RIOK3: variants seen among roughly 807,000 people sequenced by gnomAD.
RIOK3 encodes RIO kinase 3.
In RIOK3, 40 loss-of-function variants were observed where a neutral mutation model predicts 63.5. The observed-to-expected ratio is 0.63, with a 90% CI of 0.49 to 0.82. The LOEUF (loss-of-function observed/expected upper bound fraction) is 0.82. Ranked by LOEUF, RIOK3 falls within the 40% of genes least tolerant of loss-of-function variation. RIOK3 has a pLI of 0.00. For synonymous variants in RIOK3, 193 were observed against 205.0 expected (o/e 0.94, Z 0.50); for missense variants, 557 against 637.0 (o/e 0.87, Z 1.35).
chr18:23,454,971 A>G (rs1300909790), intron 1 of RIOK3, among the ~76,000 whole-genome samples: 1 of 152,234 alleles, frequency 6.6e-6, no homozygotes. Context: ...AAGGATTCTC[A>G]AAACTTTTTA....
chr18:23,467,253 G>A lies in RIOK3; in HGVS notation c.688-146G>A, dbSNP rs992233945. ...CACTTGAACCTGGGAGGTGGAGGTT[G>A]CAGTGATCAGAGATGGTGCCATTGT... is the stretch of plus-strand genomic sequence containing the variant. On this transcript the variant is annotated intron_variant, in intron 6 of 12. Transcript: ENST00000339486. The A allele has an allele frequency of 2.0e-5, 10 of 510,294 alleles. No individual in the cohort carries two copies. In the Admixed American group the frequency reaches 3.3e-4, roughly 17 times the overall value. The allele number at this position is 510,294 out of a possible 1,614,324, so 31.6% of individuals were successfully genotyped here. A position where few individuals can be genotyped will look rare whatever the true frequency, so the allele number is the denominator to read the frequency against.
chr18:23,477,193 T>A lies in RIOK3; in HGVS notation c.1269T>A (p.Asp423Glu). 3 of 1,614,124 alleles carry A rather than the reference T, an allele frequency of 1.9e-6. No individual in the cohort carries two copies. Among genetic ancestry groups the A allele is most frequent in the Non-Finnish European group, 2.5e-6 (3 of 1,179,944 alleles). Reference sequence around the variant, plus strand: ...TATTGAAATAGGTCTGGTTGATCGATGTCAGTCAGTCAGTAGAACCTACCC... The same window carrying A: ...TATTGAAATAGGTCTGGTTGATCGAAGTCAGTCAGTCAGTAGAACCTACCC... ...LWHAGKVWLI[D>E]VSQSVEPTHP... Residue 423 changes from aspartate to glutamate, a missense_variant, in exon 11 of 13, where the codon GAT becomes GAA. By Grantham distance (45) the Asp-to-Glu change is conservative (BLOSUM62 2). Coordinates refer to ENST00000339486, the MANE Select transcript of RIOK3 (RefSeq NM_003831.5).
chr18:23,453,575 C>G (rs925332709), intron 1 of RIOK3, 73 bp downstream of exon 1: 10 of 1,331,202 alleles, frequency 7.5e-6, no homozygotes, highest in Non-Finnish European at 9.7e-6. Context: ...TCGGAGAGGG[C>G]GGCTTCGTGG....
intron 5 of RIOK3, 128 bp from the exon 6 acceptor site, chr18:23,466,005 A>T (rs934608761): frequency 5.1e-6 from 3 of 588,862 alleles, no homozygotes; most frequent in Non-Finnish European, 8.3e-6. Flanking sequence ...TGTAGTAGCT[A>T]TGATTTCTGG....
chr18:23,467,555 A>T, intron 7 of RIOK3, 29 bp downstream of exon 7: 1 of 1,602,054 alleles, frequency 6.2e-7, no homozygotes, highest in Non-Finnish European at 8.5e-7. Flanking sequence ...ATACCATGAT[A>T]TGAAAACTTA....
intron 7 of RIOK3, among the ~76,000 whole-genome samples, chr18:23,469,829 A>G (rs1425326480): frequency 6.6e-6 from 1 of 152,132 alleles, no homozygotes; most frequent in East Asian, 1.9e-4. Context: ...CAGGCAATCA[A>G]CAATTATTCA....
At chr18:23,458,322 C>T (rs1044267275) in intron 1 of RIOK3, among the ~76,000 whole-genome samples, 7 of 152,130 alleles carry the variant, frequency 4.6e-5, no homozygotes, top group East Asian at 1.9e-4. Flanking sequence ...GGAGATGATT[C>T]CCCACTAATG....
At position 23,477,997 on chromosome 18, in the gene RIOK3, G is replaced by A. The variant is rs569686492; in HGVS notation, c.1344+729G>A. ...TGAGGAAGGAGAATCACTTGAGCCT[G>A]GGAATCGGAGGTTGCAGTGAGCCAA... On this transcript the variant is annotated intron_variant, in intron 11 of 12. Coordinates refer to ENST00000339486, the MANE Select transcript of RIOK3 (RefSeq NM_003831.5). Among the ~76,000 whole-genome samples, 25 of 151,776 alleles carry A rather than the reference G, an allele frequency of 1.6e-4. No homozygotes were observed. In the South Asian group the frequency reaches 5.0e-3, roughly 30 times the overall value.
At chr18:23,478,223 A>G (rs1284882226) in intron 11 of RIOK3, among the ~76,000 whole-genome samples, 1 of 152,058 alleles carries the variant, frequency 6.6e-6, no homozygotes, top group African/African-American at 2.4e-5. Context: ...TAAAAGAGGG[A>G]CAGTCTCTAT....
chr18:23,465,320 G>A (rs776118978), intron 5 of RIOK3, among the ~76,000 whole-genome samples: 7 of 152,052 alleles, frequency 4.6e-5, no homozygotes, highest in East Asian at 1.9e-4. Flanking sequence ...GTAGTGAGCC[G>A]AGATCGTGCC....
intron 7 of RIOK3, among the ~76,000 whole-genome samples, chr18:23,469,741 C>T (rs1436751029): frequency 2.0e-5 from 3 of 152,064 alleles, no homozygotes; most frequent in African/African-American, 7.2e-5. Flanking sequence ...CTGCCTCAGC[C>T]TCCCAAAGTG....
In RIOK3 at chr18:23,475,060, A is replaced by G; in HGVS notation, c.1126A>G (p.Lys376Glu). The change falls in exon 9 of 13, where the codon AAG becomes GAG. Residue 376 changes from lysine (K) to glutamate (E), a missense_variant. Transcript: ENST00000339486. ...TCCAGCCCCTAAATTAAAAGAAGTA[A>G]AGCTCAATAGTGAAGAAATGAAAGA... ...QVPAPKLKEV[K>E]LNSEEMKEAY... The G allele has an allele frequency of 6.2e-7, 1 of 1,613,714 alleles. No individual in the cohort carries two copies. Among genetic ancestry groups the G allele is most frequent in the East Asian group, 2.2e-5 (1 of 44,852 alleles).
Position 23,464,202 on chromosome 18 carries a change from T to G in RIOK3, c.326-4T>G, listed in dbSNP as rs746624277. ...TAAATCTTCAACTATTTTTGCTTCT[T>G]AAGTTTCCATTTCCTTTGAAAATTA... On this transcript the variant is annotated splice_polypyrimidine_tract_variant and splice_region_variant and intron_variant, in intron 3 of 12. Transcript: ENST00000339486. 1 of 1,612,630 alleles carries G rather than the reference T, an allele frequency of 6.2e-7. No homozygotes were observed. The highest frequency in any genetic ancestry group is 8.5e-7 in the Non-Finnish European group (1 of 1,179,270).
At chr18:23,468,058 G>A (rs994061449) in intron 7 of RIOK3, among the ~76,000 whole-genome samples, 6 of 152,186 alleles carry the variant, frequency 3.9e-5, no homozygotes, top group East Asian at 1.9e-4. Flanking sequence ...GATTACAGGC[G>A]TGAGCCACTG....
intron 7 of RIOK3, among the ~76,000 whole-genome samples, chr18:23,472,591 C>T (rs768274028): frequency 3.7e-4 from 56 of 152,154 alleles, no homozygotes; most frequent in Admixed American, 2.1e-3. Flanking sequence ...GAGTCGACCC[C>T]ACACCTCTAG....
intron 8 of RIOK3, 50 bp downstream of exon 8, chr18:23,473,676 A>G (rs749024426): frequency 3.0e-6 from 4 of 1,352,078 alleles, no homozygotes; most frequent in Non-Finnish European, 3.1e-6. Context: ...ACCTTTTTGC[A>G]TTAGGATAAA....
At chr18:23,476,734 C>A (rs921109859) in intron 9 of RIOK3, among the ~76,000 whole-genome samples, 2 of 151,938 alleles carry the variant, frequency 1.3e-5, no homozygotes, top group African/African-American at 4.8e-5. Context: ...TGGTGAAACC[C>A]CATCTCTACT....
chr18:23,477,209 G>A lies in RIOK3; in HGVS notation c.1285G>A (p.Glu429Lys), dbSNP rs777313842. 11 of 1,614,056 alleles carry A rather than the reference G, an allele frequency of 6.8e-6. No homozygotes were observed. The highest frequency in any genetic ancestry group is 9.3e-6 in the Non-Finnish European group (11 of 1,180,022). The change falls in exon 11 of 13, where the codon GAA (glutamate) becomes AAA (lysine). Residue 429 changes from glutamate (E) to lysine (K), a missense_variant. This residue lies in a region of RIOK3 where 309 missense variants were observed against 338.7 expected (regional missense o/e 0.91). Coordinates refer to ENST00000339486, the MANE Select transcript of RIOK3 (RefSeq NM_003831.5). ...GTTGATCGATGTCAGTCAGTCAGTA[G>A]AACCTACCCACCCTCACGGCCTGGA... ...VWLIDVSQSV[E>K]PTHPHGLEFL...
intron 7 of RIOK3, among the ~76,000 whole-genome samples, chr18:23,467,747 A>G (rs942354190): frequency 6.6e-6 from 1 of 151,118 alleles, no homozygotes; most frequent in African/African-American, 2.4e-5. Flanking sequence ...AGACTTCTCC[A>G]GTTTTTTTCA....
Sources: gnomAD v4.1 joint callset for allele counts (sites outside exome capture counted in the v4.1 genomes callset) on GRCh38, gnomAD v4.1.1 for gene constraint, gnomAD v4.1.1 regional missense constraint, MANE v1.5 for transcripts, NCBI Gene and HGNC (gene_info 2026-07-23, HGNC 2026-07-21) for gene names.